PTK2: variants seen among roughly 807,000 people sequenced by gnomAD.
The protein encoded by PTK2 is focal adhesion kinase 1.
PTK2 carries 45 observed loss-of-function variants against 150.1 expected under a neutral mutation model. That is an observed-to-expected ratio of 0.30 (90% CI 0.24 to 0.38). The LOEUF (loss-of-function observed/expected upper bound fraction) is 0.38, where lower values mean the gene tolerates loss of function less well. PTK2 is among the 10% of genes least tolerant of loss of function. The probability of loss-of-function intolerance (pLI) is 1.00; values close to 1 mark genes in which losing one functional copy is unlikely to be tolerated. For synonymous variants in PTK2, 432 were observed against 449.2 expected (o/e 0.96, Z 0.48); for missense variants, 919 against 1,307.3 (o/e 0.70, Z 4.58).
rs2093676092 is a variant in PTK2, at chr8:140,668,441, C to T, written c.2710-17G>A. ...GGGCTGAAGCTGACAACACAGAAGC[C>T]AGTCATTTTTCTGCTCTCCAGCAGA... On this transcript the variant is annotated splice_polypyrimidine_tract_variant and intron_variant, in intron 29 of 31. Transcript: ENST00000522684. 3 of 1,596,464 alleles carry T rather than the reference C, an allele frequency of 1.9e-6. No homozygotes were observed. In the Admixed American group the frequency reaches 5.2e-5, roughly 28 times the overall value.
chr8:140,888,229 T>C (rs1449380682), intron 3 of PTK2, among the ~76,000 whole-genome samples: 1 of 152,242 alleles, frequency 6.6e-6, no homozygotes, highest in African/African-American at 2.4e-5. Flanking sequence ...ACCTCTTATG[T>C]TGTTCAGTCC....
intron 14 of PTK2, among the ~76,000 whole-genome samples, chr8:140,779,345 C>T (rs779788381): frequency 3.3e-5 from 5 of 151,720 alleles, no homozygotes; most frequent in Admixed American, 6.6e-5. Context: ...GATGCTGGAG[C>T]ACTGACAGTG....
At chr8:140,705,146 TA>T (rs1393621508) in intron 24 of PTK2, among the ~76,000 whole-genome samples, 1 of 152,202 alleles carries the variant, frequency 6.6e-6, no homozygotes, top group African/African-American at 2.4e-5. Flanking sequence ...TTTGCTGTTC[TA>T]AACTACCACT....
chr8:140,790,892 A>T (rs1566454508), intron 13 of PTK2, among the ~76,000 whole-genome samples: 1 of 152,206 alleles, frequency 6.6e-6, no homozygotes, highest in Non-Finnish European at 1.5e-5. Flanking sequence ...AATAAATTAC[A>T]TCATTTCCTT....
chr8:140,916,932 GA>G (rs1408222150), intron 2 of PTK2, among the ~76,000 whole-genome samples: 1 of 152,156 alleles, frequency 6.6e-6, no homozygotes, highest in Non-Finnish European at 1.5e-5. Flanking sequence ...CTATCTCAGA[GA>G]GCTTACAAAC....
At chr8:140,674,560 A>C (rs949339223) in intron 28 of PTK2, among the ~76,000 whole-genome samples, 156 bp from the exon 32 acceptor site, 17 of 152,054 alleles carry the variant, frequency 1.1e-4, no homozygotes, top group Non-Finnish European at 2.4e-4. Context: ...ACCAACATGG[A>C]GAAACCCCAT....
Position 140,849,563 on chromosome 8 carries a change from AT to A in PTK2, c.451-2886del, listed in dbSNP as rs548616884. Among the ~76,000 whole-genome samples, 57 of 152,326 alleles carry A rather than the reference AT, an allele frequency of 3.7e-4. 1 individual carries two copies. In the South Asian group the frequency reaches 6.0e-3, roughly 16 times the overall value. ...ACCATGTCAAGCAGATTTACATGTAATATCTCATTTAATCATCAGAACATCA... is the reference window on the plus strand; with the variant it reads ...ACCATGTCAAGCAGATTTACATGTAAATCTCATTTAATCATCAGAACATCA... On this transcript the variant is annotated intron_variant, in intron 5 of 31. Coordinates refer to ENST00000522684, the Ensembl canonical transcript of PTK2.
At chr8:140,945,624 T>C (rs568204600) in intron 1 of PTK2, among the ~76,000 whole-genome samples, 4 of 152,242 alleles carry the variant, frequency 2.6e-5, no homozygotes, top group Non-Finnish European at 1.5e-5. Flanking sequence ...TATATCAATG[T>C]TTAACATTCT....
At chr8:140,908,322 G>A (rs1232020424) in intron 2 of PTK2, among the ~76,000 whole-genome samples, 2 of 152,152 alleles carry the variant, frequency 1.3e-5, no homozygotes, top group Non-Finnish European at 2.9e-5. Context: ...TGGTTCATAA[G>A]GTTGAAGGAA....
chr8:140,725,407 T>C (rs2154334207), intron 22 of PTK2, among the ~76,000 whole-genome samples: 1 of 152,328 alleles, frequency 6.6e-6, no homozygotes, highest in South Asian at 2.1e-4. Context: ...GAAACAACTG[T>C]GACAGCATGG....
intron 13 of PTK2, among the ~76,000 whole-genome samples, chr8:140,792,478 C>G (rs1275406174): frequency 6.6e-6 from 1 of 152,216 alleles, no homozygotes; most frequent in Non-Finnish European, 1.5e-5. Flanking sequence ...CACCTTCATC[C>G]TTTGCTGATT....
At position 140,872,870 on chromosome 8, in the gene PTK2, A is replaced by G. The variant is rs190000073; in HGVS notation, c.362+6601T>C. On this transcript the variant is annotated intron_variant, in intron 4 of 31. Coordinates refer to ENST00000522684, the Ensembl canonical transcript of PTK2. ...AATTGAGGTAAAATTAACATAAAATATTAACCATTTTAAGGTGTGAAATTC... is the reference window on the plus strand; with the variant it reads ...AATTGAGGTAAAATTAACATAAAATGTTAACCATTTTAAGGTGTGAAATTC... Among the ~76,000 whole-genome samples, 17 of 152,326 alleles carry G rather than the reference A, an allele frequency of 1.1e-4. No individual in the cohort carries two copies. The East Asian group carries it at 2.7e-3, about 24-fold the overall frequency.
intron 2 of PTK2, among the ~76,000 whole-genome samples, chr8:140,912,952 AAG>A (rs2100163817): frequency 6.6e-6 from 1 of 150,422 alleles, no homozygotes; most frequent in African/African-American, 2.5e-5. Context: ...TCTCAAAAAA[AAG>A]AAAAAAGAAA....
rs1282966348 is a variant in PTK2, at chr8:140,739,119, A to G, written c.1736-12T>C. On this transcript the variant is annotated splice_polypyrimidine_tract_variant and intron_variant, in intron 20 of 31. Coordinates refer to ENST00000522684, the Ensembl canonical transcript of PTK2. Reference sequence around the variant, plus strand: ...TTTTCCTTTGGAAGCTAGAAGATTAATTTTAGAAAATAAATTTTCCTTGTT... The same window carrying G: ...TTTTCCTTTGGAAGCTAGAAGATTAGTTTTAGAAAATAAATTTTCCTTGTT... 2.7e-6 allele frequency: 4 copies of G among 1,501,416 alleles called. No individual in the cohort carries two copies. The highest frequency in any genetic ancestry group is 1.4e-5 in the African/African-American group (1 of 71,236). 93.0% of individuals were successfully genotyped at this position (1,501,416 alleles called of 1,614,324 possible). A position where few individuals can be genotyped will look rare whatever the true frequency, so the allele number is the denominator to read the frequency against.
intron 1 of PTK2, among the ~76,000 whole-genome samples, chr8:140,950,614 C>A (rs1201288063): frequency 1.3e-5 from 2 of 152,224 alleles, no homozygotes; most frequent in African/African-American, 2.4e-5. Context: ...GCCGAGTAGG[C>A]GAACAAGCCC....
At chr8:140,779,259 A>G (rs1203678461) in intron 14 of PTK2, among the ~76,000 whole-genome samples, 2 of 143,012 alleles carry the variant, frequency 1.4e-5, no homozygotes, top group Non-Finnish European at 3.1e-5. Flanking sequence ...AAAAAAAAAA[A>G]GAAAAAAAAA....
At chr8:140,757,874 C>T (rs537353124) in intron 16 of PTK2, among the ~76,000 whole-genome samples, 2 of 152,202 alleles carry the variant, frequency 1.3e-5, no homozygotes, top group South Asian at 4.2e-4. Context: ...AGTGACATGA[C>T]AGAAATCAAA....
intron 1 of PTK2, among the ~76,000 whole-genome samples, chr8:140,992,346 T>G (rs907663154): frequency 2.7e-5 from 4 of 150,336 alleles, no homozygotes; most frequent in Non-Finnish European, 4.4e-5. Flanking sequence ...GGCATACCCC[T>G]GTAGTCCCAG....
At chr8:140,788,698 C>A (rs1002590350) in intron 14 of PTK2, among the ~76,000 whole-genome samples, 4 of 151,954 alleles carry the variant, frequency 2.6e-5, no homozygotes, top group Non-Finnish European at 5.9e-5. Flanking sequence ...AAAACTGATT[C>A]AAAATAAACA....
Sources: gnomAD v4.1 joint callset for allele counts (sites outside exome capture counted in the v4.1 genomes callset) on GRCh38, gnomAD v4.1.1 for gene constraint, MANE v1.5 for transcripts, NCBI Gene and HGNC (gene_info 2026-07-23, HGNC 2026-07-21) for gene names.